Variants in C5AR1 observed in about 807,000 individuals in gnomAD.
C5AR1 encodes the protein C5a anaphylatoxin chemotactic receptor 1.
A neutral mutation model predicts 2.4 loss-of-function variants in C5AR1; 4 were observed. The observed-to-expected ratio is 1.65, with a 90% CI of 0.81 to 3.77. The LOEUF is 3.77. Among genes scored for constraint, C5AR1 ranks in the 30% most tolerant of loss-of-function variants. The pLI, the probability that C5AR1 is intolerant of heterozygous loss-of-function variation, is 0.01. For missense variants in C5AR1, 418 were observed against 462.5 expected (o/e 0.90, Z 0.88); for synonymous variants, 209 against 210.4 (o/e 0.99, Z 0.06).
Position 47,320,537 on chromosome 19 carries a change from T to C in C5AR1, c.760T>C (p.Phe254Leu). 1 of 1,613,896 alleles carries C rather than the reference T, an allele frequency of 6.2e-7. No individual in the cohort carries two copies. The highest frequency in any genetic ancestry group is 1.1e-5 in the South Asian group (1 of 91,072). ...VVAVVASFFI[F>L]WLPYQVTGIM... ...GGCAGTGGTGGCCAGTTTCTTTATCTTCTGGTTGCCCTACCAGGTGACGGG... is the reference window on the plus strand; with the variant it reads ...GGCAGTGGTGGCCAGTTTCTTTATCCTCTGGTTGCCCTACCAGGTGACGGG... Residue 254 changes from phenylalanine to leucine, a missense_variant, in exon 2 of 2, where the codon TTC becomes CTC. Phe to Leu is a conservative substitution (Grantham distance 22). Coordinates refer to ENST00000355085, the MANE Select transcript of C5AR1 (RefSeq NM_001736.4). This position sits in a 1 kb window ranked among gnomAD's most constrained non-coding sequence, Gnocchi z 4.9.
intron 1 of C5AR1, among the ~76,000 whole-genome samples, chr19:47,312,145 G>A (rs1450490367): frequency 6.6e-6 from 1 of 152,122 alleles, no homozygotes; most frequent in South Asian, 2.1e-4. Flanking sequence ...GAGTGCAGTG[G>A]TGTGATCTCA....
upstream of C5AR1, among the ~76,000 whole-genome samples, chr19:47,309,523 C>T (rs1400885166): frequency 6.9e-6 from 1 of 145,734 alleles, no homozygotes; most frequent in Admixed American, 7.1e-5. Flanking sequence ...TACAGAGAGC[C>T]GAGATTGCAC....
intron 1 of C5AR1, among the ~76,000 whole-genome samples, chr19:47,318,432 T>C (rs543336471): frequency 6.6e-6 from 1 of 151,206 alleles, no homozygotes; most frequent in Non-Finnish European, 1.5e-5. Flanking sequence ...TAGCTGGGAT[T>C]ACAGGTGCCC....
intron 1 of C5AR1, among the ~76,000 whole-genome samples, chr19:47,314,954 A>G (rs1320115892): frequency 1.3e-5 from 2 of 152,204 alleles, no homozygotes; most frequent in South Asian, 2.1e-4. Context: ...TTGGCCTCCC[A>G]AAGTGCTGGG....
At chr19:47,313,266 G>A (rs1241838995) in intron 1 of C5AR1, among the ~76,000 whole-genome samples, 3 of 151,358 alleles carry the variant, frequency 2.0e-5, no homozygotes, top group African/African-American at 7.3e-5. Context: ...GTGAGCCACC[G>A]CGCCTGGCGT....
chr19:47,310,147 G>A (rs2059265444), intron 1 of C5AR1, among the ~76,000 whole-genome samples: 1 of 152,160 alleles, frequency 6.6e-6, no homozygotes, highest in African/African-American at 2.4e-5. Flanking sequence ...AACCTCGTGG[G>A]GCTGGGGCCC....
At chr19:47,315,753 G>A (rs1239793022) in intron 1 of C5AR1, among the ~76,000 whole-genome samples, 4 of 151,994 alleles carry the variant, frequency 2.6e-5, no homozygotes, top group African/African-American at 7.3e-5. Flanking sequence ...TGCTGGGAGC[G>A]GGCAATAGAA....
At position 47,320,790 on chromosome 19, in the gene C5AR1, C is replaced by T. The variant is rs1568662761; in HGVS notation, c.1013C>T (p.Ser338Phe). The T allele has an allele frequency of 6.2e-7, 1 of 1,614,024 alleles. No individual in the cohort carries two copies. Among genetic ancestry groups the T allele is most frequent in the Non-Finnish European group, 8.5e-7 (1 of 1,179,948 alleles). Reference sequence around the variant, plus strand: ...AGGGAGAGCAAGTCATTCACGCGCTCCACAGTGGACACTATGGCCCAGAAG... The same window carrying T: ...AGGGAGAGCAAGTCATTCACGCGCTTCACAGTGGACACTATGGCCCAGAAG... ...VVRESKSFTRSTVDTMAQKTQ... is the reference protein window; with the variant it reads ...VVRESKSFTRFTVDTMAQKTQ... Residue 338 changes from serine (S) to phenylalanine (F), a missense_variant, in exon 2 of 2, where the codon TCC becomes TTC. Ser to Phe is a radical substitution (Grantham distance 155). Transcript: ENST00000355085. This position sits in a 1 kb window ranked among gnomAD's most constrained non-coding sequence, Gnocchi z 4.9.
chr19:47,314,517 C>T (rs1307625935), intron 1 of C5AR1, among the ~76,000 whole-genome samples: 9 of 151,074 alleles, frequency 6.0e-5, no homozygotes, highest in Admixed American at 4.6e-4. Flanking sequence ...TCTGCCTCAG[C>T]CTCCCAGATA....
At chr19:47,313,974 T>C (rs2059278420) in intron 1 of C5AR1, among the ~76,000 whole-genome samples, 1 of 152,094 alleles carries the variant, frequency 6.6e-6, no homozygotes, top group South Asian at 2.1e-4. Flanking sequence ...CTGGCAATGA[T>C]TATGGCTGTT....
intron 1 of C5AR1, among the ~76,000 whole-genome samples, chr19:47,319,032 C>T (rs890412009): frequency 2.7e-5 from 4 of 150,832 alleles, no homozygotes; most frequent in African/African-American, 9.8e-5. Context: ...ATTACAGGCG[C>T]CCACTACCAC....
rs2059287014 is a variant in C5AR1 at position 47,316,083 on chromosome 19, G to A, written c.4-3698G>A. Among the ~76,000 whole-genome samples the A allele has an allele frequency of 4.0e-5, 6 of 151,788 alleles. No individual in the cohort carries two copies. In the South Asian group the frequency reaches 1.0e-3, roughly 26 times the overall value. ...GGCAGTGGCGCAATCTTGACTCACT[G>A]CAACCTCCACCTCCCAGGTTCAAGC... On this transcript the variant is annotated intron_variant, in intron 1 of 1. Transcript: ENST00000355085.
In C5AR1 at chr19:47,320,853, T is replaced by C; in HGVS notation, c.*23T>C. 6.3e-7 allele frequency: 1 copy of C among 1,575,322 alleles called. No individual in the cohort carries two copies. Among genetic ancestry groups the C allele is most frequent in the Non-Finnish European group, 8.7e-7 (1 of 1,155,658 alleles). On this transcript the variant is annotated 3_prime_UTR_variant, in exon 2 of 2. Transcript: ENST00000355085. The surrounding 1 kb of genome is among the most constrained non-coding windows in gnomAD (Gnocchi z 4.9). ...TAGGCGACAGCCTCATGGGCCACTG[T>C]GGCCCGATGTCCCCTTCCTTCCCGG...
chr19:47,310,041 T>C, intron 1 of C5AR1, 143 bp downstream of exon 1: 1 of 765,188 alleles, frequency 1.3e-6, no homozygotes, highest in South Asian at 1.8e-5. Flanking sequence ...GTCTTCCACC[T>C]CCCACCTTCC....
rs1231638740 is a variant in C5AR1 at position 47,319,981 on chromosome 19, G to A, written c.204G>A (p.Arg68=). Residue 68 remains arginine, a synonymous_variant, in exon 2 of 2, where the codon CGG becomes CGA. Coordinates refer to ENST00000355085, the MANE Select transcript of C5AR1 (RefSeq NM_001736.4). ...GGGTGACGGCATTCGAGGCCAAGCG[G>A]ACCATCAATGCCATCTGGTTCCTCA... The part of the protein sequence containing the change: ...VVWVTAFEAK[R]TINAIWFLNL... 6.2e-7 allele frequency: 1 copy of A among 1,614,262 alleles called. No individual in the cohort carries two copies. Among genetic ancestry groups the A allele is most frequent in the Non-Finnish European group, 8.5e-7 (1 of 1,180,050 alleles).
chr19:47,309,826 G>A, upstream of C5AR1: 1 of 1,553,694 alleles, frequency 6.4e-7, no homozygotes. Flanking sequence ...ATCTTCCCTT[G>A]GGGCTTTAAA....
chr19:47,309,992 G>A (rs1459750318), intron 1 of C5AR1, 94 bp downstream of exon 1: 56 of 1,274,730 alleles, frequency 4.4e-5, no homozygotes, highest in Middle Eastern at 1.9e-4. Flanking sequence ...AACTCTCGCC[G>A]TCAACTCTGT....
chr19:47,320,798 G>A lies in C5AR1; in HGVS notation c.1021G>A (p.Asp341Asn), dbSNP rs1274255798. The change falls in exon 2 of 2, where the codon GAC (aspartate) becomes AAC (asparagine). Residue 341 changes from aspartate (D) to asparagine (N), a missense_variant. Coordinates refer to ENST00000355085, the MANE Select transcript of C5AR1 (RefSeq NM_001736.4). The surrounding 1 kb of genome is among the most constrained non-coding windows in gnomAD (Gnocchi z 4.9). Reference protein sequence around the residue: ...ESKSFTRSTVDTMAQKTQAV With the variant: ...ESKSFTRSTVNTMAQKTQAV Reference sequence around the variant, plus strand: ...CAAGTCATTCACGCGCTCCACAGTGGACACTATGGCCCAGAAGACCCAGGC... The same window carrying A: ...CAAGTCATTCACGCGCTCCACAGTGAACACTATGGCCCAGAAGACCCAGGC... 1 of 1,613,726 alleles carries A rather than the reference G, an allele frequency of 6.2e-7. No homozygotes were observed. The highest frequency in any genetic ancestry group is 1.3e-5 in the African/African-American group (1 of 74,900).
rs199682703 is a variant in C5AR1 at position 47,320,792 on chromosome 19, A to T, written c.1015A>T (p.Thr339Ser). The T allele has an allele frequency of 1.2e-6, 2 of 1,613,914 alleles. No individual in the cohort carries two copies. Among genetic ancestry groups the T allele is most frequent in the South Asian group, 2.2e-5 (2 of 91,090 alleles). ...GGAGAGCAAGTCATTCACGCGCTCCACAGTGGACACTATGGCCCAGAAGAC... is the reference window on the plus strand; with the variant it reads ...GGAGAGCAAGTCATTCACGCGCTCCTCAGTGGACACTATGGCCCAGAAGAC... ...VRESKSFTRS[T>S]VDTMAQKTQA... Residue 339 changes from threonine (T) to serine (S), a missense_variant, in exon 2 of 2, where the codon ACA becomes TCA. Physicochemically the swap from Thr to Ser is moderately conservative, Grantham distance 58. Transcript: ENST00000355085. This position sits in a 1 kb window ranked among gnomAD's most constrained non-coding sequence, Gnocchi z 4.9.
Sources: gnomAD v4.1 joint callset for allele counts (sites outside exome capture counted in the v4.1 genomes callset) on GRCh38, gnomAD v4.1.1 for gene constraint, Gnocchi (gnomAD v3.1) non-coding constraint, MANE v1.5 for transcripts, NCBI Gene and HGNC (gene_info 2026-07-23, HGNC 2026-07-21) for gene names.